Variants in ROR1 observed in about 807,000 individuals in gnomAD.
The protein encoded by ROR1 is ROR family WNT receptor 1.
ROR1 carries 19 observed loss-of-function variants against 78.8 expected under a neutral mutation model. The observed-to-expected ratio is 0.24, with a 90% confidence interval of 0.17 to 0.35. ROR1 has a LOEUF of 0.35. Among genes scored for constraint, ROR1 ranks in the 10% least tolerant of loss-of-function variants. ROR1 has a pLI of 1.00. For missense variants in ROR1, 917 were observed against 1,177.8 expected, an observed-to-expected ratio of 0.78 and a Z score of 3.24; for synonymous variants, 386 against 433.6, an observed-to-expected ratio of 0.89 and a Z score of 1.36.
At chr1:63,927,883 T>C (rs1389130295) in intron 1 of ROR1, among the ~76,000 whole-genome samples, 1 of 152,070 alleles carries the variant, frequency 6.6e-6, no homozygotes, top group Non-Finnish European at 1.5e-5. Context: ...CTCTTTTCAA[T>C]CCTAACAAAA....
chr1:63,998,135 G>C (rs1646353589), intron 1 of ROR1, among the ~76,000 whole-genome samples: 1 of 151,988 alleles, frequency 6.6e-6, no homozygotes, highest in Admixed American at 6.6e-5. Flanking sequence ...TTAGTAGTCA[G>C]GCAGGACACA....
chr1:64,003,673 A>G (rs1238192826), intron 1 of ROR1, among the ~76,000 whole-genome samples: 1 of 122,312 alleles, frequency 8.2e-6, no homozygotes, highest in Non-Finnish European at 1.8e-5. Flanking sequence ...GGGCTAGAGC[A>G]TGGCTCAGGT....
At chr1:63,796,447 G>T (rs1542803) in intron 1 of ROR1, among the ~76,000 whole-genome samples, 101,013 of 152,034 alleles carry the variant, frequency 0.66, 34,721 homozygotes, top group East Asian at 0.82. Context: ...ATGATCCCAG[G>T]TGATTTATAT....
At chr1:63,877,253 G>A (rs901579281) in intron 1 of ROR1, among the ~76,000 whole-genome samples, 1 of 152,070 alleles carries the variant, frequency 6.6e-6, no homozygotes. Flanking sequence ...ATTCCTCTGC[G>A]TGTGGAAGGC....
In ROR1 at chr1:64,180,261, CTT is replaced by C. The variant is rs1024030841; in HGVS notation, c.*1407_*1408del. On this transcript the variant is annotated 3_prime_UTR_variant, in exon 9 of 9. Coordinates refer to ENST00000371079, the MANE Select transcript of ROR1 (RefSeq NM_005012.4). ...AAGTAATTTTACTTTTGATTTTTCTCTTGTTAAAAAAAAACTCCTTTATTCTA... is the reference window on the plus strand; with the variant it reads ...AAGTAATTTTACTTTTGATTTTTCTCGTTAAAAAAAAACTCCTTTATTCTA... The C allele has an allele frequency of 3.3e-5, 5 of 151,936 alleles. No homozygotes were observed. Among genetic ancestry groups the C allele is most frequent in the African/African-American group, 1.2e-4 (5 of 41,472 alleles). The allele number at this position is 151,936 out of a possible 1,614,324, so 9.4% of individuals were successfully genotyped here.
chr1:64,124,220 C>T (rs1648638406), intron 4 of ROR1, among the ~76,000 whole-genome samples: 1 of 152,072 alleles, frequency 6.6e-6, no homozygotes, highest in South Asian at 2.1e-4. Context: ...AAAATTACCA[C>T]AACAAGTATT....
intron 8 of ROR1, among the ~76,000 whole-genome samples, chr1:64,174,644 T>C (rs1189023822): frequency 1.3e-5 from 2 of 152,210 alleles, no homozygotes; most frequent in African/African-American, 2.4e-5. Context: ...AGAGATCTTA[T>C]TTTTGTCAAA....
chr1:64,144,286 C>A (rs1224567670), intron 7 of ROR1, among the ~76,000 whole-genome samples: 1 of 151,972 alleles, frequency 6.6e-6, no homozygotes, highest in Non-Finnish European at 1.5e-5. Context: ...TTTTAGAAAT[C>A]CAAAAAGAGA....
At chr1:63,817,072 G>A (rs1053139159) in intron 1 of ROR1, among the ~76,000 whole-genome samples, 2 of 152,186 alleles carry the variant, frequency 1.3e-5, no homozygotes, top group Non-Finnish European at 2.9e-5. Context: ...TATTTAAGAG[G>A]AAAGCTTTAA....
intron 2 of ROR1, among the ~76,000 whole-genome samples, chr1:64,029,540 G>A (rs1646642505): frequency 1.3e-5 from 2 of 152,144 alleles, no homozygotes. Flanking sequence ...TCTGGAGGCT[G>A]GAAAGTCCAA....
At chr1:64,176,198 A>G (rs1434821974) in intron 8 of ROR1, among the ~76,000 whole-genome samples, 1 of 152,252 alleles carries the variant, frequency 6.6e-6, no homozygotes, top group African/African-American at 2.4e-5. Flanking sequence ...ATTAATAAAC[A>G]ACCCACTTGC....
At chr1:64,144,403 A>G (rs973268132) in intron 7 of ROR1, among the ~76,000 whole-genome samples, 27 of 152,192 alleles carry the variant, frequency 1.8e-4, no homozygotes, top group Non-Finnish European at 8.8e-5. Flanking sequence ...AGGCCATGAC[A>G]CCTGAAGGAA....
chr1:64,046,052 G>A (rs1646780371), intron 2 of ROR1, among the ~76,000 whole-genome samples: 2 of 152,190 alleles, frequency 1.3e-5, no homozygotes, highest in South Asian at 2.1e-4. Flanking sequence ...TGCTTTGTCT[G>A]GCATTCAAGC....
intron 1 of ROR1, among the ~76,000 whole-genome samples, chr1:63,992,887 A>G (rs1187488808): frequency 2.6e-5 from 4 of 152,060 alleles, no homozygotes; most frequent in Non-Finnish European, 4.4e-5. Context: ...CTTCCTGCTC[A>G]TTACTGTCAC....
intron 1 of ROR1, among the ~76,000 whole-genome samples, chr1:63,865,865 A>T (rs770500419): frequency 5.3e-5 from 8 of 152,210 alleles, no homozygotes; most frequent in Non-Finnish European, 1.0e-4. Context: ...GTTGAACAGA[A>T]CAACTGATGG....
chr1:63,911,936 C>T (rs925753230), intron 1 of ROR1, among the ~76,000 whole-genome samples: 7 of 151,952 alleles, frequency 4.6e-5, no homozygotes, highest in African/African-American at 1.7e-4. Context: ...TTCTGGAAAC[C>T]CCATCACCTG....
intron 1 of ROR1, among the ~76,000 whole-genome samples, chr1:64,006,215 G>A (rs1646426278): frequency 6.6e-6 from 1 of 152,338 alleles, no homozygotes; most frequent in Middle Eastern, 3.4e-3. Flanking sequence ...AATATTGCAT[G>A]TAAATGCTGT....
intron 2 of ROR1, among the ~76,000 whole-genome samples, chr1:64,012,259 T>C (rs534415679): frequency 6.6e-6 from 1 of 152,302 alleles, no homozygotes. Context: ...GAATGAAGAA[T>C]GACTGGCCTA....
intron 1 of ROR1, among the ~76,000 whole-genome samples, chr1:63,984,413 T>C (rs1004728253): frequency 4.6e-5 from 7 of 152,154 alleles, no homozygotes; most frequent in African/African-American, 1.4e-4. Context: ...TTAAAGCTTG[T>C]GGTTTGTCCA....
Sources: allele counts gnomAD v4.1 joint callset (sites outside exome capture counted in the v4.1 genomes callset), GRCh38; gene constraint gnomAD v4.1.1; transcripts MANE v1.5; gene names NCBI Gene and HGNC (gene_info 2026-07-23, HGNC 2026-07-21).